The following ENTREP2 variants were observed in gnomAD, a reference collection of about 807,000 sequenced individuals.
ENTREP2 encodes endosomal transmembrane epsin interactor 2, also known as protein ENTREP2.
the ENTREP2 span, among the ~76,000 whole-genome samples, chr15:29,195,727 G>A: frequency 6.6e-6 from 1 of 152,132 alleles, no homozygotes; most frequent in African/African-American, 2.4e-5. Flanking sequence ...GTTTCACCAT[G>A]TTGGCCAGAC....
the ENTREP2 span, among the ~76,000 whole-genome samples, chr15:29,240,230 G>T: frequency 6.6e-6 from 1 of 152,144 alleles, no homozygotes; most frequent in African/African-American, 2.4e-5. Context: ...TGGGCGTGGA[G>T]GCACATGCCT....
the ENTREP2 span, among the ~76,000 whole-genome samples, chr15:29,171,141 T>C: frequency 3.9e-5 from 6 of 152,330 alleles, no homozygotes; most frequent in African/African-American, 1.4e-4. Context: ...CCCAATCACC[T>C]ATTATTAAAT....
At chr15:29,150,302 C>T in the ENTREP2 span, among the ~76,000 whole-genome samples, 1 of 152,232 alleles carries the variant, frequency 6.6e-6, no homozygotes. Flanking sequence ...TACAGAGCGA[C>T]TCTGCACACT....
the ENTREP2 span, among the ~76,000 whole-genome samples, chr15:29,260,599 G>A: frequency 2.0e-5 from 3 of 152,264 alleles, no homozygotes; most frequent in African/African-American, 7.2e-5. Context: ...TCAGAGACAC[G>A]TGCCAAAATA....
chr15:29,215,697 G>C, the ENTREP2 span, among the ~76,000 whole-genome samples: 3 of 151,622 alleles, frequency 2.0e-5, no homozygotes, highest in African/African-American at 7.3e-5. Context: ...AGTTTGTTTT[G>C]TCTGATATAA....
the ENTREP2 span, among the ~76,000 whole-genome samples, chr15:29,668,692 G>A: frequency 2.0e-5 from 3 of 152,146 alleles, no homozygotes; most frequent in Non-Finnish European, 4.4e-5. Context: ...AACTGAAAAA[G>A]GAGCTTCAAG....
chr15:29,510,809 C>CAA, the ENTREP2 span, among the ~76,000 whole-genome samples: 7,488 of 124,082 alleles, frequency 0.06, 230 homozygotes, highest in Non-Finnish European at 0.071. Context: ...GACTCCATCT[C>CAA]AAAAAAAAAA....
the ENTREP2 span, among the ~76,000 whole-genome samples, chr15:29,493,125 CTTTTTTTTTTTTTTT>C: frequency 1.1e-3 from 94 of 84,776 alleles, 2 homozygotes; most frequent in Non-Finnish European, 1.3e-3. Flanking sequence ...CCTGACAACC[CTTTTTTTTTTTTTTT>C]TTTTTTTTTT....
the ENTREP2 span, among the ~76,000 whole-genome samples, chr15:29,640,426 G>A: frequency 6.6e-6 from 1 of 152,276 alleles, no homozygotes; most frequent in East Asian, 1.9e-4. Context: ...GGAAGGCTGA[G>A]GTGGGTGGAT....
chr15:29,293,967 G>A, the ENTREP2 span, among the ~76,000 whole-genome samples: 1 of 152,286 alleles, frequency 6.6e-6, no homozygotes, highest in East Asian at 1.9e-4. Flanking sequence ...CTGGGAAGAG[G>A]AGCTGGGCCT....
At chr15:29,621,813 T>A in the ENTREP2 span, among the ~76,000 whole-genome samples, 1 of 152,156 alleles carries the variant, frequency 6.6e-6, no homozygotes, top group African/African-American at 2.4e-5. Flanking sequence ...ATTTGTACAC[T>A]GCGTTCGAAG....
chr15:29,608,586 G>A, the ENTREP2 span, among the ~76,000 whole-genome samples: 5 of 148,012 alleles, frequency 3.4e-5, no homozygotes, highest in African/African-American at 1.0e-4. Context: ...ACAGAGTCTC[G>A]CTCTGTTACC....
chr15:29,243,129 CCATGAACACACA>C, the ENTREP2 span, among the ~76,000 whole-genome samples: 356 of 152,264 alleles, frequency 2.3e-3, 2 homozygotes, highest in African/African-American at 8.1e-3. Context: ...AGCTCTCTCG[CCATGAACACACA>C]CACACAGACA....
chr15:29,596,788 C>T, the ENTREP2 span, among the ~76,000 whole-genome samples: 2 of 152,102 alleles, frequency 1.3e-5, no homozygotes, highest in East Asian at 3.9e-4. Context: ...CCTGCCTCAG[C>T]TTCCCGAGTA....
At chr15:29,291,203 G>A in the ENTREP2 span, among the ~76,000 whole-genome samples, 3 of 152,172 alleles carry the variant, frequency 2.0e-5, no homozygotes, top group Non-Finnish European at 4.4e-5. Context: ...ATGCATTTGT[G>A]ACTAAGAAAC....
chr15:29,276,530 G>A, the ENTREP2 span, among the ~76,000 whole-genome samples: 1 of 152,158 alleles, frequency 6.6e-6, no homozygotes, highest in Non-Finnish European at 1.5e-5. Context: ...ATCCTTCCAG[G>A]ACATTCAGAC....
the ENTREP2 span, among the ~76,000 whole-genome samples, chr15:29,409,484 C>T: frequency 6.6e-6 from 1 of 152,086 alleles, no homozygotes; most frequent in Non-Finnish European, 1.5e-5. Flanking sequence ...TGCCACCACA[C>T]CCGGCTAATT....
At chr15:29,366,679 T>G in the ENTREP2 span, among the ~76,000 whole-genome samples, 2 of 152,214 alleles carry the variant, frequency 1.3e-5, no homozygotes, top group African/African-American at 2.4e-5. Flanking sequence ...CAGTCTTTTG[T>G]GTCTGGCTTC....
the ENTREP2 span, among the ~76,000 whole-genome samples, chr15:29,362,317 T>C: frequency 6.9e-3 from 1,044 of 152,234 alleles, 7 homozygotes; most frequent in Middle Eastern, 0.024. Context: ...ATTATGATTT[T>C]TGAGCACATA....
Sources: gnomAD v4.1 joint callset for allele counts (sites outside exome capture counted in the v4.1 genomes callset) on GRCh38, gnomAD v4.1.1 for gene constraint, MANE v1.5 for transcripts, NCBI Gene and HGNC (gene_info 2026-07-23, HGNC 2026-07-21) for gene names.